TSPOAP1: variants seen among roughly 807,000 people sequenced by gnomAD.
The protein encoded by TSPOAP1 is TSPO associated protein 1.
Under a neutral mutation model 197.0 loss-of-function variants are expected in TSPOAP1, and 87 were observed. The ratio of observed to expected loss-of-function variants is 0.44; its 90% CI spans 0.37 to 0.53. The LOEUF (loss-of-function observed/expected upper bound fraction) is 0.53, where lower values mean the gene tolerates loss of function less well. TSPOAP1 is among the 20% of genes least tolerant of loss of function. The pLI is 0.00. For missense variants in TSPOAP1, 2,174 were observed against 2,411.3 expected (o/e 0.90, Z 2.06); for synonymous variants, 913 against 998.9 (o/e 0.91, Z 1.62).
chr17:58,305,620 C>G lies in TSPOAP1; in HGVS notation c.5281G>C (p.Ala1761Pro). 6.4e-7 allele frequency: 1 copy of G among 1,551,940 alleles called. No homozygotes were observed. Among genetic ancestry groups the G allele is most frequent in the Non-Finnish European group, 8.7e-7 (1 of 1,149,576 alleles). Reference protein sequence around the residue: ...CPGPPKLVPSADLKAPHSMVA... With the variant: ...CPGPPKLVPSPDLKAPHSMVA... ...ATGGAGTGGGGAGCTTTCAGGTCAGCAGAGGGGACCAGCTTAGGGGGGCCT... is the reference window on the plus strand; with the variant it reads ...ATGGAGTGGGGAGCTTTCAGGTCAGGAGAGGGGACCAGCTTAGGGGGGCCT... The change falls in exon 28 of 32, where the codon GCT (alanine) becomes CCT (proline). Residue 1761 changes from alanine to proline, a missense_variant. By Grantham distance (27) the Ala-to-Pro change is conservative. Transcript: ENST00000343736.
Position 58,302,175 on chromosome 17 carries a change from G to T in TSPOAP1, c.*305C>A, listed in dbSNP as rs1465045882. The T allele has an allele frequency of 3.5e-6, 4 of 1,144,036 alleles. No individual in the cohort carries two copies. In the African/African-American group the frequency reaches 4.9e-5, roughly 14 times the overall value. 70.9% of individuals were successfully genotyped at this position (1,144,036 alleles called of 1,614,324 possible). A position where few individuals can be genotyped will look rare whatever the true frequency, so the allele number is the denominator to read the frequency against. ...ACAGTGTTAACGCAGAAGAACGGGGGCTCTGGGCCCAGTCTGAGCCTTCCC... is the reference window on the plus strand; with the variant it reads ...ACAGTGTTAACGCAGAAGAACGGGGTCTCTGGGCCCAGTCTGAGCCTTCCC... On this transcript the variant is annotated 3_prime_UTR_variant, in exon 32 of 32. Coordinates refer to ENST00000343736, the MANE Select transcript of TSPOAP1 (RefSeq NM_004758.4).
At position 58,324,333 on chromosome 17, in the gene TSPOAP1, C is replaced by G. The variant is rs539797523; in HGVS notation, c.942+478G>C. ...GCCCTCGAGACAGGGGCTGCCTAAGCCCCCCGCTCAGTGAGGGTTGCCTGT... is the reference window on the plus strand; with the variant it reads ...GCCCTCGAGACAGGGGCTGCCTAAGGCCCCCGCTCAGTGAGGGTTGCCTGT... On this transcript the variant is annotated intron_variant, in intron 5 of 31. Transcript: ENST00000343736. This position sits in a 1 kb window ranked among gnomAD's most constrained non-coding sequence, Gnocchi z 5.8. 1.3e-5 allele frequency among the ~76,000 whole-genome samples: 2 copies of G among 152,142 alleles called. No individual in the cohort carries two copies. Among genetic ancestry groups the G allele is most frequent in the Non-Finnish European group, 1.5e-5 (1 of 67,990 alleles).
rs745619247 is a variant in TSPOAP1, at chr17:58,312,357, C to T, written c.2464G>A (p.Gly822Ser). 12 of 1,611,706 alleles carry T rather than the reference C, an allele frequency of 7.4e-6. No homozygotes were observed. The highest frequency in any genetic ancestry group is 4.0e-5 in the African/African-American group (3 of 74,898). Residue 822 changes from glycine (G) to serine (S), a missense_variant, in exon 17 of 32, where the codon GGC becomes AGC. Coordinates refer to ENST00000343736, the MANE Select transcript of TSPOAP1 (RefSeq NM_004758.4). ...TCCCCATTCACACAGATATGGAAGC[C>T]GTGTAGCTCCACTTGCTCAGGAGGC... is the stretch of plus-strand genomic sequence containing the variant. ...EPPPEQVELHGFHICVNGELR... is the reference protein window; with the variant it reads ...EPPPEQVELHSFHICVNGELR...
intron 31 of TSPOAP1, chr17:58,303,456 A>G (rs1970780120): frequency 6.6e-6 from 1 of 150,506 alleles, no homozygotes; most frequent in African/African-American, 2.5e-5. Flanking sequence ...CACAGAGGCC[A>G]AAGCATCTAC....
intron 1 of TSPOAP1, 51 bp downstream of exon 1, chr17:58,327,537 A>C (rs1185154934): frequency 6.4e-7 from 1 of 1,563,600 alleles, no homozygotes; most frequent in Non-Finnish European, 8.7e-7. Flanking sequence ...GCTGGAGGAC[A>C]TGGTGAGAGA....
In TSPOAP1 at chr17:58,328,214, G is replaced by A. The variant is rs1238972137; in HGVS notation, c.-294C>T. The A allele has an allele frequency of 8.7e-6, 4 of 459,608 alleles. No homozygotes were observed. The highest frequency in any genetic ancestry group is 1.9e-5 in the African/African-American group (1 of 51,522). 28.5% of individuals were successfully genotyped at this position (459,608 alleles called of 1,614,324 possible). A position where few individuals can be genotyped will look rare whatever the true frequency, so the allele number is the denominator to read the frequency against. ...GTGGGGGTAGGGAGGATGTGCAGAG[G>A]CCACCGACAGCTGCGCCTGGGTGAG... On this transcript the variant is annotated 5_prime_UTR_variant, in exon 1 of 32. Transcript: ENST00000343736. This position sits in a 1 kb window ranked among gnomAD's most constrained non-coding sequence, Gnocchi z 4.3.
Position 58,312,486 on chromosome 17 carries a change from T to C in TSPOAP1, c.2335A>G (p.Ser779Gly). Residue 779 changes from serine to glycine, a missense_variant, in exon 17 of 32, where the codon AGC (serine) becomes GGC (glycine). By Grantham distance (56) the Ser-to-Gly change is moderately conservative. Around this residue, in one of 5 missense-constraint regions of TSPOAP1, gnomAD observed 1,933 missense variants for 2,139.0 expected, o/e 0.90. Transcript: ENST00000343736. Reference protein sequence around the residue: ...EEDAGDELSLSPSPEGLGEPP... With the variant: ...EEDAGDELSLGPSPEGLGEPP... ...TCGCCCAGGCCCTCCGGTGATGGGC[T>C]CAGACTGAGCTCGTCCCCTGCATCC... 6.2e-7 allele frequency: 1 copy of C among 1,607,662 alleles called. No homozygotes were observed. Among genetic ancestry groups the C allele is most frequent in the Non-Finnish European group, 8.5e-7 (1 of 1,177,020 alleles).
rs139909316 is a variant in TSPOAP1, at chr17:58,310,996, G to T, written c.3299C>A (p.Ala1100Glu). The change falls in exon 19 of 32, where the codon GCG (alanine) becomes GAG (glutamate). Residue 1100 changes from alanine (A) to glutamate (E), a missense_variant. Coordinates refer to ENST00000343736, the MANE Select transcript of TSPOAP1 (RefSeq NM_004758.4). ...PSPHPSPEAR[A>E]PLASASPGPG... ...CCCTGGGGAGGCTGAAGCAAGGGGC[G>T]CTCTGGCCTCTGGGCTTGGGTGCGG... 13 of 1,600,696 alleles carry T rather than the reference G, an allele frequency of 8.1e-6. No individual in the cohort carries two copies. The South Asian group carries it at 1.2e-4, about 15-fold the overall frequency.
At position 58,305,134 on chromosome 17, in the gene TSPOAP1, T is replaced by C. The variant is rs9893754; in HGVS notation, c.5471A>G (p.Asn1824Ser). 3.7e-6 allele frequency: 6 copies of C among 1,613,780 alleles called. No individual in the cohort carries two copies. Among genetic ancestry groups the C allele is most frequent in the African/African-American group, 1.3e-5 (1 of 74,874 alleles). Residue 1824 changes from asparagine to serine, a missense_variant, in exon 30 of 32, where the codon AAC (asparagine) becomes AGC (serine). Physicochemically the swap from Asn to Ser is conservative, Grantham distance 46. Coordinates refer to ENST00000343736, the MANE Select transcript of TSPOAP1 (RefSeq NM_004758.4). ...LNGQRGLVPS[N>S]FLEGPGPEAG... ...CTCAGGCCCAGGGCCCTCCAGGAAG[T>C]TGGATGGAACCAGGCCCCTTTGTCC...
rs779644581 is a variant in TSPOAP1 at position 58,327,888 on chromosome 17, C to T, written c.33G>A (p.Gly11=). The T allele has an allele frequency of 3.7e-6, 6 of 1,605,490 alleles. 1 individual carries two copies. The African/African-American group carries it at 5.3e-5, about 14-fold the overall frequency. The change falls in exon 1 of 32, where the codon GGG becomes GGA. Residue 11 remains glycine (G), a synonymous_variant. Coordinates refer to ENST00000343736, the MANE Select transcript of TSPOAP1 (RefSeq NM_004758.4). ...CCCATGGCTCCATGGCTCCAGGGTCCCCAGGCCGTGGGAGGGTTGTCAGTT... is the reference window on the plus strand; with the variant it reads ...CCCATGGCTCCATGGCTCCAGGGTCTCCAGGCCGTGGGAGGGTTGTCAGTT... MEQLTTLPRP[G]DPGAMEPWAL... is the part of the protein sequence containing the mutation.
intron 16 of TSPOAP1, among the ~76,000 whole-genome samples, chr17:58,313,607 CAAAAAA>C (rs138024895): frequency 9.0e-6 from 1 of 110,610 alleles, no homozygotes; most frequent in African/African-American, 3.2e-5. Flanking sequence ...GATGCTGTAT[CAAAAAA>C]AAAAAAAAAA....
chr17:58,314,207 A>C (rs1971150350), intron 16 of TSPOAP1, among the ~76,000 whole-genome samples: 1 of 150,722 alleles, frequency 6.6e-6, no homozygotes, highest in African/African-American at 2.5e-5. Context: ...TATGCTAGGC[A>C]AAAAAAAAGT....
In TSPOAP1 at chr17:58,324,020, TCCTGGCTTCC is replaced by T. The variant is rs1439436150; in HGVS notation, c.943-485_943-476del. ...CAGCGCAAGTCCAGCCAGACCCTTC[TCCTGGCTTCC>T]CCCAAGCCCACCCTACCACACCTTC... On this transcript the variant is annotated intron_variant, in intron 5 of 31. Transcript: ENST00000343736. This position sits in a 1 kb window ranked among gnomAD's most constrained non-coding sequence, Gnocchi z 5.8. Among the ~76,000 whole-genome samples, 1 of 152,172 alleles carries T rather than the reference TCCTGGCTTCC, an allele frequency of 6.6e-6. No individual in the cohort carries two copies. Among genetic ancestry groups the T allele is most frequent in the African/African-American group, 2.4e-5 (1 of 41,426 alleles).
intron 25 of TSPOAP1, 183 bp downstream of exon 25, chr17:58,306,617 G>T: frequency 1.1e-6 from 1 of 918,272 alleles, no homozygotes; most frequent in Non-Finnish European, 1.6e-6. Context: ...TGCAACAGAC[G>T]CCCACTCCAC....
chr17:58,316,631 T>C, intron 14 of TSPOAP1, 91 bp from the exon 15 acceptor site: 1 of 992,406 alleles, frequency 1.0e-6, no homozygotes, highest in Non-Finnish European at 1.5e-6. Flanking sequence ...GAGGACCTAT[T>C]GCTTTAAGGA....
chr17:58,302,637 G>A, intron 31 of TSPOAP1, 190 bp from the exon 32 acceptor site: 1 of 270,160 alleles, frequency 3.7e-6, no homozygotes, highest in Admixed American at 5.2e-5. Context: ...GGAGGGTGAT[G>A]CCGAGGGAGC....
chr17:58,320,242 C>A (rs1418588277), intron 11 of TSPOAP1, 113 bp from the exon 12 acceptor site: 1 of 1,285,566 alleles, frequency 7.8e-7, no homozygotes, highest in Non-Finnish European at 1.1e-6. Flanking sequence ...AGTCAGCTCC[C>A]TGGACTGACT....
At position 58,308,900 on chromosome 17, in the gene TSPOAP1, G is replaced by A; in HGVS notation, c.4372C>T (p.Pro1458Ser). The A allele has an allele frequency of 1.3e-6, 2 of 1,597,768 alleles. No individual in the cohort carries two copies. The highest frequency in any genetic ancestry group is 1.3e-5 in the African/African-American group (1 of 74,480). Residue 1458 changes from proline (P) to serine (S), a missense_variant, in exon 22 of 32, where the codon CCC becomes TCC. Pro to Ser is a moderately conservative substitution (Grantham distance 74, BLOSUM62 -1). This residue lies in a region of TSPOAP1 where 1,933 missense variants were observed against 2,139.0 expected (regional missense o/e 0.90). Transcript: ENST00000343736. ...CCGCTAGCCTCTAGTCCAGTCCTGG[G>A]GCCCTCAATTACGGGGAGGCCACCC... ...ERGGLPVIEGPRTGLEASGRG... is the reference protein window; with the variant it reads ...ERGGLPVIEGSRTGLEASGRG...
rs774307691 is a variant in TSPOAP1, at chr17:58,305,857, C to T, written c.5233G>A (p.Glu1745Lys). 1 of 1,612,700 alleles carries T rather than the reference C, an allele frequency of 6.2e-7. No individual in the cohort carries two copies. Among genetic ancestry groups the T allele is most frequent in the Non-Finnish European group, 8.5e-7 (1 of 1,179,754 alleles). ...CCTGGACAGGGCTGGGCAGGGCCTT[C>T]CGACTCAGCTGTGGAAAGAATGTGC... ...KPRRSKKAES[E>K]GPAQPCPGPP... Residue 1745 changes from glutamate (E) to lysine (K), a missense_variant, in exon 27 of 32, where the codon GAA becomes AAA. Around this residue, in one of 5 missense-constraint regions of TSPOAP1, gnomAD observed 161 missense variants for 159.1 expected, o/e 1.01. Coordinates refer to ENST00000343736, the MANE Select transcript of TSPOAP1 (RefSeq NM_004758.4).
Sources: gnomAD v4.1 joint callset for allele counts (sites outside exome capture counted in the v4.1 genomes callset) on GRCh38, gnomAD v4.1.1 for gene constraint, gnomAD v4.1.1 regional missense constraint, Gnocchi (gnomAD v3.1) non-coding constraint, MANE v1.5 for transcripts, NCBI Gene and HGNC (gene_info 2026-07-23, HGNC 2026-07-21) for gene names.